Variants in EXOC4 observed in about 807,000 individuals in gnomAD.
EXOC4 encodes the protein exocyst complex component 4, also known as SEC8-like 1.
Under a neutral mutation model 107.2 loss-of-function variants are expected in EXOC4, and 71 were observed. That is an observed-to-expected ratio of 0.66 (90% CI 0.55 to 0.81). The LOEUF (loss-of-function observed/expected upper bound fraction) is 0.81, where lower values mean the gene tolerates loss of function less well. Among genes scored for constraint, EXOC4 ranks in the 30% least tolerant of loss-of-function variants. The pLI is 0.00. For synonymous variants in EXOC4, 456 were observed against 441.2 expected (o/e 1.03, Z -0.42); for missense variants, 1,108 against 1,189.6 (o/e 0.93, Z 1.01).
the EXOC4 span, among the ~76,000 whole-genome samples, chr7:134,085,959 T>G: frequency 1.3e-5 from 2 of 152,188 alleles, no homozygotes; most frequent in Non-Finnish European, 2.9e-5. Flanking sequence ...AAGTGGAACC[T>G]AACTTCTCAC....
chr7:133,644,749 G>T lies in EXOC4; in HGVS notation c.1514+14608G>T, dbSNP rs1378538842. Among the ~76,000 whole-genome samples, 3 of 152,254 alleles carry T rather than the reference G, an allele frequency of 2.0e-5. No homozygotes were observed. The East Asian group carries it at 5.8e-4, about 29-fold the overall frequency. ...AGAGAGCCATTCCCAGGTACTCCAT[G>T]GGATGTACCACAAGGTGATTCAGGG... On this transcript the variant is annotated intron_variant, in intron 10 of 17. Transcript: ENST00000253861.
intron 9 of EXOC4, among the ~76,000 whole-genome samples, chr7:133,614,588 A>T (rs1365128236): frequency 6.6e-6 from 1 of 152,076 alleles, no homozygotes; most frequent in African/African-American, 2.4e-5. Flanking sequence ...GCATTATGTA[A>T]GAGAATCCTG....
At chr7:133,464,207 G>T (rs550300660) in intron 7 of EXOC4, among the ~76,000 whole-genome samples, 1 of 152,136 alleles carries the variant, frequency 6.6e-6, no homozygotes, top group African/African-American at 2.4e-5. Context: ...GGGTACATTT[G>T]CAGGATGTGC....
intron 10 of EXOC4, among the ~76,000 whole-genome samples, chr7:133,696,080 C>T (rs570332203): frequency 1.3e-5 from 2 of 152,298 alleles, no homozygotes; most frequent in South Asian, 2.1e-4. Context: ...TTAAAGTATG[C>T]CCCGGCTGGC....
At chr7:133,907,016 G>A (rs1049870373) in intron 12 of EXOC4, among the ~76,000 whole-genome samples, 1 of 152,130 alleles carries the variant, frequency 6.6e-6, no homozygotes, top group Admixed American at 6.5e-5. Flanking sequence ...CACCATCTTG[G>A]AAGCGGCCAG....
At chr7:133,582,907 G>A (rs1014439629) in intron 9 of EXOC4, among the ~76,000 whole-genome samples, 9 of 152,300 alleles carry the variant, frequency 5.9e-5, no homozygotes, top group Non-Finnish European at 1.3e-4. Flanking sequence ...CTTTGCAGAT[G>A]AATTGCATCC....
At position 133,637,687 on chromosome 7, in the gene EXOC4, T is replaced by G. The variant is rs375436758; in HGVS notation, c.1514+7546T>G. ...TGCCTGACCTGTAAGGTCTGTGAAGTGCTGAGTGGTTGGTATACATAGATT... is the reference window on the plus strand; with the variant it reads ...TGCCTGACCTGTAAGGTCTGTGAAGGGCTGAGTGGTTGGTATACATAGATT... On this transcript the variant is annotated intron_variant, in intron 10 of 17. Transcript: ENST00000253861. 4.1e-4 allele frequency among the ~76,000 whole-genome samples: 62 copies of G among 152,318 alleles called. No homozygotes were observed. In the East Asian group the frequency reaches 6.8e-3, roughly 17 times the overall value.
intron 1 of EXOC4, among the ~76,000 whole-genome samples, chr7:133,263,190 G>GAACAGACT (rs1249807479): frequency 6.6e-6 from 1 of 151,986 alleles, no homozygotes; most frequent in Non-Finnish European, 1.5e-5. Context: ...GGCATCTTGA[G>GAACAGACT]AACAGACTAA....
At chr7:133,816,657 T>C (rs546494096) in intron 10 of EXOC4, among the ~76,000 whole-genome samples, 202 of 152,308 alleles carry the variant, frequency 1.3e-3, no homozygotes, top group Non-Finnish European at 2.5e-3. Context: ...TGGAAGACAA[T>C]GTTTCCACGG....
intron 10 of EXOC4, among the ~76,000 whole-genome samples, chr7:133,793,409 C>A (rs944918708): frequency 1.3e-5 from 2 of 151,980 alleles, no homozygotes; most frequent in African/African-American, 4.8e-5. Context: ...GTTCACAGAC[C>A]CCACGGTGAG....
chr7:133,953,084 T>G (rs540131317), intron 14 of EXOC4, among the ~76,000 whole-genome samples: 2 of 152,226 alleles, frequency 1.3e-5, no homozygotes, highest in Admixed American at 1.3e-4. Flanking sequence ...CTCAACTCTC[T>G]GATTGCTTAT....
intron 10 of EXOC4, among the ~76,000 whole-genome samples, chr7:133,748,871 A>G (rs1429920887): frequency 6.6e-6 from 1 of 152,232 alleles, no homozygotes; most frequent in Non-Finnish European, 1.5e-5. Flanking sequence ...ACAGTCTAGC[A>G]TAGGAAACTA....
intron 10 of EXOC4, among the ~76,000 whole-genome samples, chr7:133,812,686 G>T (rs1409099611): frequency 6.6e-6 from 1 of 152,068 alleles, no homozygotes; most frequent in African/African-American, 2.4e-5. Flanking sequence ...CATATACGTT[G>T]TGGGATGGCT....
chr7:133,602,355 T>G (rs976258757), intron 9 of EXOC4, among the ~76,000 whole-genome samples: 1 of 152,188 alleles, frequency 6.6e-6, no homozygotes, highest in Non-Finnish European at 1.5e-5. Context: ...TGACTGTTTT[T>G]GAAAGAATTG....
At chr7:134,053,388 C>G (rs1269956744) in intron 17 of EXOC4, among the ~76,000 whole-genome samples, 1 of 151,932 alleles carries the variant, frequency 6.6e-6, no homozygotes, top group Non-Finnish European at 1.5e-5. Context: ...TTGGAACAAC[C>G]CTATGTTACT....
chr7:133,427,436 A>G (rs555983197), intron 7 of EXOC4, among the ~76,000 whole-genome samples: 1 of 152,330 alleles, frequency 6.6e-6, no homozygotes, highest in Non-Finnish European at 1.5e-5. Flanking sequence ...TGCCAGACAC[A>G]TGATCTGTTG....
At chr7:133,745,667 ATATT>A (rs1486191595) in intron 10 of EXOC4, among the ~76,000 whole-genome samples, 1 of 151,606 alleles carries the variant, frequency 6.6e-6, no homozygotes, top group African/African-American at 2.4e-5. Context: ...ATAGGACAAA[ATATT>A]AATTATGGTT....
intron 10 of EXOC4, among the ~76,000 whole-genome samples, chr7:133,738,850 A>G (rs1324738026): frequency 6.6e-6 from 1 of 152,166 alleles, no homozygotes; most frequent in African/African-American, 2.4e-5. Context: ...GTTCTGTTCA[A>G]ATGGTTATCA....
At chr7:134,080,310 A>G in the EXOC4 span, among the ~76,000 whole-genome samples, 159 of 152,354 alleles carry the variant, frequency 1.0e-3, no homozygotes, top group East Asian at 0.028. Flanking sequence ...GTTCAGCTCC[A>G]TGCTTACTGA....
Sources: allele counts gnomAD v4.1 joint callset (sites outside exome capture counted in the v4.1 genomes callset), GRCh38; gene constraint gnomAD v4.1.1; transcripts MANE v1.5; gene names NCBI Gene and HGNC (gene_info 2026-07-23, HGNC 2026-07-21).